CSMD3: variants seen among roughly 807,000 people sequenced by gnomAD.
CSMD3 encodes the protein CUB and Sushi multiple domains 3, also known as CUB and sushi domain-containing protein 3.
CSMD3 carries 177 observed loss-of-function variants against 435.2 expected under a neutral mutation model. The observed-to-expected ratio is 0.41, with a 90% confidence interval of 0.36 to 0.46. CSMD3 has a LOEUF of 0.46. Among genes scored for constraint, CSMD3 ranks in the 20% least tolerant of loss-of-function variants. The probability of loss-of-function intolerance (pLI) is 0.34; values close to 1 mark genes in which losing one functional copy is unlikely to be tolerated. For synonymous variants in CSMD3, 1,656 were observed against 1,520.5 expected, an observed-to-expected ratio of 1.09 and a Z score of -2.07; for missense variants, 4,265 against 4,504.6, an observed-to-expected ratio of 0.95 and a Z score of 1.52.
intron 9 of CSMD3, among the ~76,000 whole-genome samples, chr8:112,934,631 G>A (rs1379060792): frequency 6.6e-6 from 1 of 152,160 alleles, no homozygotes; most frequent in Non-Finnish European, 1.5e-5. Context: ...TTGAGAAATT[G>A]TGCAGTGCAC....
chr8:113,177,968 G>A (rs1458103240), intron 3 of CSMD3, among the ~76,000 whole-genome samples: 1 of 151,908 alleles, frequency 6.6e-6, no homozygotes, highest in Admixed American at 6.6e-5. Flanking sequence ...AGAGTTCAGT[G>A]ACACTCTTCT....
At chr8:113,183,749 T>C (rs546781910) in intron 3 of CSMD3, among the ~76,000 whole-genome samples, 1 of 152,150 alleles carries the variant, frequency 6.6e-6, no homozygotes, top group South Asian at 2.1e-4. Flanking sequence ...GTACATGTGA[T>C]ATTTTGATAC....
intron 27 of CSMD3, among the ~76,000 whole-genome samples, chr8:112,547,756 G>A (rs529949043): frequency 6.6e-6 from 1 of 152,042 alleles, no homozygotes; most frequent in Non-Finnish European, 1.5e-5. Flanking sequence ...TAACACTAAA[G>A]AAAAAAGAAG....
chr8:113,396,156 C>A (rs2094482620), intron 1 of CSMD3, among the ~76,000 whole-genome samples: 1 of 152,122 alleles, frequency 6.6e-6, no homozygotes. Flanking sequence ...GCTTTAAATG[C>A]ACCTCATAGT....
intron 30 of CSMD3, among the ~76,000 whole-genome samples, chr8:112,493,886 A>G (rs1018870140): frequency 1.3e-5 from 2 of 152,132 alleles, no homozygotes; most frequent in African/African-American, 2.4e-5. Context: ...ACAATAAATC[A>G]GGATAACAAA....
intron 32 of CSMD3, among the ~76,000 whole-genome samples, chr8:112,459,187 C>T (rs1182277905): frequency 3.3e-5 from 5 of 151,966 alleles, no homozygotes; most frequent in African/African-American, 1.2e-4. Context: ...TACATTTCAA[C>T]CTCCTTCTCA....
intron 63 of CSMD3, among the ~76,000 whole-genome samples, chr8:112,249,115 T>A (rs1284805115): frequency 2.6e-5 from 4 of 152,148 alleles, no homozygotes; most frequent in Admixed American, 6.6e-5. Context: ...AAATCCATCA[T>A]CTCTATCAAT....
intron 1 of CSMD3, among the ~76,000 whole-genome samples, chr8:113,391,914 C>T (rs2094462752): frequency 6.6e-6 from 1 of 151,990 alleles, no homozygotes; most frequent in African/African-American, 2.4e-5. Context: ...GATGCAGCTG[C>T]TAACATGTAG....
At chr8:112,681,868 A>AAATAAT (rs1356979412) in intron 16 of CSMD3, among the ~76,000 whole-genome samples, 32 of 152,268 alleles carry the variant, frequency 2.1e-4, no homozygotes, top group African/African-American at 7.7e-4. Context: ...ATCGGTTTAA[A>AAATAAT]AATAATAATA....
intron 13 of CSMD3, among the ~76,000 whole-genome samples, chr8:112,771,845 A>G (rs1295356575): frequency 1.3e-5 from 2 of 151,684 alleles, no homozygotes; most frequent in Non-Finnish European, 2.9e-5. Flanking sequence ...AAAAAAGTCA[A>G]TCACATCTAC....
chr8:112,474,137 C>T (rs1818807463), intron 31 of CSMD3, among the ~76,000 whole-genome samples: 1 of 152,016 alleles, frequency 6.6e-6, no homozygotes, highest in Admixed American at 6.6e-5. Context: ...AGCCAGCAGG[C>T]CAAATCCAGC....
chr8:112,299,422 T>C (rs957728604), intron 53 of CSMD3, among the ~76,000 whole-genome samples: 1 of 152,126 alleles, frequency 6.6e-6, no homozygotes, highest in Non-Finnish European at 1.5e-5. Flanking sequence ...TGCTTAATAT[T>C]TGGCAACAAA....
intron 2 of CSMD3, among the ~76,000 whole-genome samples, chr8:113,301,138 T>G (rs1405476263): frequency 2.6e-5 from 4 of 151,858 alleles, no homozygotes; most frequent in Non-Finnish European, 4.4e-5. Flanking sequence ...AACATGGAGG[T>G]GCTTGTTACT....
intron 3 of CSMD3, among the ~76,000 whole-genome samples, chr8:113,179,934 A>C (rs2092400815): frequency 6.6e-6 from 1 of 151,910 alleles, no homozygotes; most frequent in East Asian, 1.9e-4. Context: ...AATGTTTTAC[A>C]AATTATCAGG....
intron 45 of CSMD3, among the ~76,000 whole-genome samples, chr8:112,324,207 T>A (rs1586769761): frequency 6.6e-6 from 1 of 152,028 alleles, no homozygotes; most frequent in Non-Finnish European, 1.5e-5. Flanking sequence ...TGCTTTGTAT[T>A]TGCCATGTTC....
intron 3 of CSMD3, among the ~76,000 whole-genome samples, chr8:113,175,189 G>A (rs1471134916): frequency 6.6e-6 from 1 of 151,746 alleles, no homozygotes; most frequent in Non-Finnish European, 1.5e-5. Flanking sequence ...AATTTTGAGA[G>A]TGTTTTTTAA....
chr8:113,307,612 T>C (rs181903931), intron 2 of CSMD3, among the ~76,000 whole-genome samples: 1 of 152,242 alleles, frequency 6.6e-6, no homozygotes, highest in East Asian at 1.9e-4. Context: ...AAGAAAATAA[T>C]TGCAATGCAT....
At chr8:113,059,894 G>T (rs2088529407) in intron 5 of CSMD3, among the ~76,000 whole-genome samples, 2 of 152,092 alleles carry the variant, frequency 1.3e-5, no homozygotes, top group Admixed American at 1.3e-4. Flanking sequence ...ATAGGCAAGG[G>T]TAATTTTTTT....
intron 7 of CSMD3, among the ~76,000 whole-genome samples, chr8:112,957,074 AAATT>A (rs1307265115): frequency 6.6e-6 from 1 of 152,100 alleles, no homozygotes; most frequent in Non-Finnish European, 1.5e-5. Flanking sequence ...CCTAATAAAT[AAATT>A]AAAAAAATAA....
Sources: allele counts gnomAD v4.1 joint callset (sites outside exome capture counted in the v4.1 genomes callset), GRCh38; gene constraint gnomAD v4.1.1; transcripts MANE v1.5; gene names NCBI Gene and HGNC (gene_info 2026-07-23, HGNC 2026-07-21).